Variants in ITGA8 observed in about 807,000 individuals in gnomAD.
The protein encoded by ITGA8 is integrin alpha-8.
Under a neutral mutation model 142.3 loss-of-function variants are expected in ITGA8, and 91 were observed. The observed-to-expected ratio is 0.64, with a 90% CI of 0.54 to 0.76. The LOEUF (loss-of-function observed/expected upper bound fraction) is 0.76, where lower values mean the gene tolerates loss of function less well. Ranked by LOEUF, ITGA8 falls within the 30% of genes least tolerant of loss-of-function variation. ITGA8 has a pLI of 0.00. For missense variants in ITGA8, 1,406 were observed against 1,327.7 expected, an observed-to-expected ratio of 1.06 and a Z score of -0.92; for synonymous variants, 505 against 485.2, an observed-to-expected ratio of 1.04 and a Z score of -0.54.
At chr10:15,639,743 T>C (rs979377741) in intron 13 of ITGA8, among the ~76,000 whole-genome samples, 1 of 152,234 alleles carries the variant, frequency 6.6e-6, no homozygotes, top group Admixed American at 6.5e-5. Flanking sequence ...CACTTAAACA[T>C]GTCACTATAG....
intron 13 of ITGA8, among the ~76,000 whole-genome samples, chr10:15,639,147 T>A (rs1272564842): frequency 6.7e-6 from 1 of 148,426 alleles, no homozygotes; most frequent in Non-Finnish European, 1.5e-5. Context: ...AAAAAAAAAG[T>A]TGCCCCTGCC....
intron 20 of ITGA8, among the ~76,000 whole-genome samples, chr10:15,601,774 G>C (rs545153144): frequency 1.3e-3 from 204 of 152,218 alleles, no homozygotes; most frequent in African/African-American, 4.8e-3. Flanking sequence ...CAAAACAATA[G>C]CCAACCTTAC....
chr10:15,605,086 G>A (rs969799722), intron 19 of ITGA8, among the ~76,000 whole-genome samples: 1 of 152,080 alleles, frequency 6.6e-6, no homozygotes, highest in African/African-American at 2.4e-5. Context: ...CAGTGAGATA[G>A]TTCCTGGGAG....
chr10:15,642,882 A>G (rs562941615), intron 13 of ITGA8, among the ~76,000 whole-genome samples: 1 of 152,344 alleles, frequency 6.6e-6, no homozygotes, highest in Admixed American at 6.5e-5. Flanking sequence ...CCCAAACCAA[A>G]AAATAGCTCT....
At chr10:15,649,292 C>A (rs1026470058) in intron 11 of ITGA8, among the ~76,000 whole-genome samples, 1 of 151,758 alleles carries the variant, frequency 6.6e-6, no homozygotes, top group African/African-American at 2.4e-5. Flanking sequence ...TTGTTACAAT[C>A]AATATTACAT....
chr10:15,591,405 ATATAT>A (rs3041564), intron 22 of ITGA8, among the ~76,000 whole-genome samples: 20,485 of 143,606 alleles, frequency 0.14, 1,770 homozygotes, highest in East Asian at 0.27. Flanking sequence ...CTGTATTAAT[ATATAT>A]TATATTATAT....
rs752633569 is a variant in ITGA8 at position 15,660,862 on chromosome 10, G to T, written c.891+17C>A. 5 of 1,603,090 alleles carry T rather than the reference G, an allele frequency of 3.1e-6. No homozygotes were observed. The South Asian group carries it at 5.5e-5, about 18-fold the overall frequency. ...CAAGAAAATACCCTATTCCTGTAAT[G>T]CATTCTCAGTACTCACATATCCAAA... On this transcript the variant is annotated intron_variant, in intron 9 of 29. Transcript: ENST00000378076.
rs761230597 is a variant in ITGA8 at position 15,586,631 on chromosome 10, C to T, written c.2325G>A (p.Val775=). ...CAGCAGTGATGTTGATTTGCAGGCT[C>T]ACAAAATTGCTGTCTGGATTGTCCT... ...SNKDNPDSNF[V]SLQINITAVA... Residue 775 remains valine (V), a synonymous_variant, in exon 23 of 30, where the codon GTG becomes GTA. Coordinates refer to ENST00000378076, the MANE Select transcript of ITGA8 (RefSeq NM_003638.3). 1.9e-6 allele frequency: 3 copies of T among 1,613,380 alleles called. No homozygotes were observed. The Admixed American group carries it at 5.0e-5, about 27-fold the overall frequency.
chr10:15,577,319 G>A (rs367660381), intron 23 of ITGA8, among the ~76,000 whole-genome samples: 4 of 151,960 alleles, frequency 2.6e-5, no homozygotes, highest in African/African-American at 4.8e-5. Flanking sequence ...AGATGATATC[G>A]TCAAAACCCT....
rs185153572 is a variant in ITGA8 at position 15,669,396 on chromosome 10, T to C, written c.847+2207A>G. On this transcript the variant is annotated intron_variant, in intron 8 of 29. Coordinates refer to ENST00000378076, the MANE Select transcript of ITGA8 (RefSeq NM_003638.3). ...AGGTCCTTTAAGGACTTTTCTTCAT[T>C]GGTTATTCTAGTTATCCATTCATCT... Among the ~76,000 whole-genome samples, 5 of 152,330 alleles carry C rather than the reference T, an allele frequency of 3.3e-5. No individual in the cohort carries two copies. The East Asian group carries it at 9.6e-4, about 29-fold the overall frequency.
intron 3 of ITGA8, among the ~76,000 whole-genome samples, chr10:15,685,702 C>T (rs1834821776): frequency 6.6e-6 from 1 of 152,040 alleles, no homozygotes; most frequent in African/African-American, 2.4e-5. Flanking sequence ...GCCTATGACC[C>T]CTTTTTAGAA....
At chr10:15,636,969 A>C (rs1458253103) in intron 13 of ITGA8, among the ~76,000 whole-genome samples, 1 of 152,114 alleles carries the variant, frequency 6.6e-6, no homozygotes, top group African/African-American at 2.4e-5. Context: ...ACATGGTGAA[A>C]CCCCATCTCT....
At chr10:15,574,450 G>A (rs1834244106) in intron 24 of ITGA8, among the ~76,000 whole-genome samples, 1 of 152,128 alleles carries the variant, frequency 6.6e-6, no homozygotes, top group African/African-American at 2.4e-5. Flanking sequence ...GAGTGCGGTG[G>A]CACGATCTCG....
chr10:15,660,129 A>C (rs1834257609), intron 9 of ITGA8, among the ~76,000 whole-genome samples: 1 of 152,230 alleles, frequency 6.6e-6, no homozygotes, highest in Admixed American at 6.5e-5. Context: ...AGGCGTATTA[A>C]GTTGCTGATC....
At chr10:15,560,689 G>A (rs1833958949) in intron 25 of ITGA8, among the ~76,000 whole-genome samples, 2 of 152,160 alleles carry the variant, frequency 1.3e-5, no homozygotes, top group Non-Finnish European at 2.9e-5. Context: ...CAAGATATTA[G>A]TAAGGGGAAA....
rs1311200365 is a variant in ITGA8, at chr10:15,561,423, T to C, written c.2638-3221A>G. On this transcript the variant is annotated intron_variant, in intron 25 of 29. Transcript: ENST00000378076. ...TTTAGCGTTCTTAACATAAAAATCA[T>C]GAACAATGTACAAAAATGTAAAATT... is the stretch of plus-strand genomic sequence containing the variant. Among the ~76,000 whole-genome samples, 6 of 151,794 alleles carry C rather than the reference T, an allele frequency of 4.0e-5. No homozygotes were observed. The East Asian group carries it at 7.7e-4, about 20-fold the overall frequency.
Position 15,517,016 on chromosome 10 carries a change from A to ATCTCGG in ITGA8, c.*141_*142insCCGAGA. The ATCTCGG allele has an allele frequency of 1.8e-6, 1 of 566,530 alleles. No homozygotes were observed. Among genetic ancestry groups the ATCTCGG allele is most frequent in the Non-Finnish European group, 3.0e-6 (1 of 328,364 alleles). The allele number at this position is 566,530 out of a possible 1,614,324, so 35.1% of individuals were successfully genotyped here. On this transcript the variant is annotated 3_prime_UTR_variant, in exon 30 of 30. Transcript: ENST00000378076. Reference sequence around the variant, plus strand: ...ACAATTTCTCCAAAGTGCGGTGTAGATGAGGTGATGTTTCCAGGGTCCCCT... The same window carrying ATCTCGG: ...ACAATTTCTCCAAAGTGCGGTGTAGATCTCGGTGAGGTGATGTTTCCAGGGTCCCCT...
In ITGA8 at chr10:15,607,818, C is replaced by T. The variant is rs750296706; in HGVS notation, c.1623G>A (p.Glu541=). The T allele has an allele frequency of 1.9e-6, 3 of 1,611,548 alleles. No individual in the cohort carries two copies. The highest frequency in any genetic ancestry group is 2.5e-6 in the Non-Finnish European group (3 of 1,178,906). ...TCTGTTTCAGGGAATCTAATTGCAC[C>T]TCTGCCATCAAGACTAAAGGACAGA... is the stretch of plus-strand genomic sequence containing the variant. ...SIANTIVLMA[E]VQLDSLKQKG... is the part of the protein sequence containing the mutation. Residue 541 remains glutamate, a synonymous_variant, in exon 17 of 30, where the codon GAG becomes GAA. Transcript: ENST00000378076.
intron 27 of ITGA8, among the ~76,000 whole-genome samples, chr10:15,542,845 G>C (rs1346569855): frequency 6.6e-6 from 1 of 152,154 alleles, no homozygotes; most frequent in Non-Finnish European, 1.5e-5. Flanking sequence ...TCATATACAA[G>C]CATGTATCAT....
Sources: gnomAD v4.1 joint callset for allele counts (sites outside exome capture counted in the v4.1 genomes callset) on GRCh38, gnomAD v4.1.1 for gene constraint, MANE v1.5 for transcripts, NCBI Gene and HGNC (gene_info 2026-07-23, HGNC 2026-07-21) for gene names.